The following ATP6V0A4 variants were observed in gnomAD, a reference collection of about 807,000 sequenced individuals.
ATP6V0A4 encodes V-type proton ATPase 116 kDa subunit a 4.
Under a neutral mutation model 107.3 loss-of-function variants are expected in ATP6V0A4, and 86 were observed. That is an observed-to-expected ratio of 0.80 (90% CI 0.67 to 0.96). The LOEUF is 0.96. Among genes scored for constraint, ATP6V0A4 ranks in the 40% least tolerant of loss-of-function variants. ATP6V0A4 has a pLI of 0.00. For missense variants in ATP6V0A4, 908 were observed against 1,045.6 expected, an observed-to-expected ratio of 0.87 and a Z score of 1.81; for synonymous variants, 353 against 381.4, an observed-to-expected ratio of 0.93 and a Z score of 0.87.
At chr7:138,796,415 A>T (rs1250241438) in intron 1 of ATP6V0A4, among the ~76,000 whole-genome samples, 1 of 151,850 alleles carries the variant, frequency 6.6e-6, no homozygotes, top group Non-Finnish European at 1.5e-5. Context: ...GGGCTGTTAC[A>T]CTCCACTAGG....
intron 20 of ATP6V0A4, among the ~76,000 whole-genome samples, chr7:138,710,441 CG>C (rs1350282593): frequency 6.6e-6 from 1 of 152,026 alleles, no homozygotes; most frequent in Admixed American, 6.6e-5. Context: ...CCACCCGCCT[CG>C]GCCTCCAAAG....
chr7:138,739,616 T>A lies in ATP6V0A4; in HGVS notation c.1496A>T (p.Glu499Val). ...TGGGTCCAGCTGCAGATATAGACTT[T>A]CCTCCATTACATGAGTACTTTAGAG... is the stretch of plus-strand genomic sequence containing the variant. ...NGTWNTHVME[E>V]SLYLQLDPAI... Residue 499 changes from glutamate (E) to valine (V), a missense_variant, in exon 15 of 22, where the codon GAA (glutamate) becomes GTA (valine). Physicochemically the swap from Glu to Val is moderately radical, Grantham distance 121. Coordinates refer to ENST00000310018, the MANE Select transcript of ATP6V0A4 (RefSeq NM_020632.3). 1 of 1,614,102 alleles carries A rather than the reference T, an allele frequency of 6.2e-7. No individual in the cohort carries two copies. The highest frequency in any genetic ancestry group is 1.1e-5 in the South Asian group (1 of 91,078).
chr7:138,708,273 T>G (rs1432058695), intron 21 of ATP6V0A4, among the ~76,000 whole-genome samples: 1 of 152,024 alleles, frequency 6.6e-6, no homozygotes, highest in Non-Finnish European at 1.5e-5. Flanking sequence ...CACAAACTCC[T>G]GACCTCAGCT....
At chr7:138,723,055 C>CAAAA (rs34685977) in intron 18 of ATP6V0A4, among the ~76,000 whole-genome samples, 4 of 122,346 alleles carry the variant, frequency 3.3e-5, no homozygotes, top group South Asian at 2.7e-4. Context: ...GAGACTGTCT[C>CAAAA]AAAAAAAAAA....
chr7:138,723,945 A>G (rs1232462340), intron 18 of ATP6V0A4, among the ~76,000 whole-genome samples: 1 of 151,782 alleles, frequency 6.6e-6, no homozygotes, highest in Non-Finnish European at 1.5e-5. Context: ...CAAGCCAACA[A>G]ATTCCTAAAT....
In ATP6V0A4 at chr7:138,778,438, A is replaced by G. The variant is rs1807770813; in HGVS notation, c.-17-7174T>C. ...CCAAGACATCTCATTTTATATATAT[A>G]TATATATATATGCAAATATTCCAAA... On this transcript the variant is annotated intron_variant, in intron 2 of 21. Transcript: ENST00000310018. 2.0e-5 allele frequency among the ~76,000 whole-genome samples: 3 copies of G among 150,522 alleles called. No homozygotes were observed. The South Asian group carries it at 6.3e-4, about 32-fold the overall frequency.
At chr7:138,762,227 A>C in intron 7 of ATP6V0A4, 113 bp downstream of exon 7, 1 of 1,357,894 alleles carries the variant, frequency 7.4e-7, no homozygotes, top group Non-Finnish European at 1.0e-6. Flanking sequence ...GAGGCTTTGC[A>C]TCCATGGGAA....
intron 18 of ATP6V0A4, among the ~76,000 whole-genome samples, chr7:138,724,236 A>C (rs1804594108): frequency 6.6e-6 from 1 of 151,720 alleles, no homozygotes. Flanking sequence ...TTCTAGCTTA[A>C]AAAATAAATC....
chr7:138,712,745 C>T (rs115902208), intron 20 of ATP6V0A4, among the ~76,000 whole-genome samples: 1 of 151,942 alleles, frequency 6.6e-6, no homozygotes, highest in Non-Finnish European at 1.5e-5. Context: ...AATCAAATGA[C>T]CCCCTCAGTG....
chr7:138,715,625 G>T, intron 20 of ATP6V0A4, 139 bp downstream of exon 20: 1 of 1,263,254 alleles, frequency 7.9e-7, no homozygotes, highest in Non-Finnish European at 1.1e-6. Context: ...AGGCACCTGT[G>T]CCTGGGAAAG....
intron 7 of ATP6V0A4, among the ~76,000 whole-genome samples, chr7:138,761,362 C>T (rs889587299): frequency 7.3e-5 from 11 of 151,516 alleles, no homozygotes; most frequent in African/African-American, 1.2e-4. Flanking sequence ...AGGCCAGGTG[C>T]GGTGGATCAC....
intron 1 of ATP6V0A4, among the ~76,000 whole-genome samples, chr7:138,788,781 G>A (rs968659084): frequency 1.3e-5 from 2 of 152,156 alleles, no homozygotes; most frequent in Admixed American, 1.3e-4. Flanking sequence ...AGATCTGATG[G>A]TTTTATAAAT....
At chr7:138,737,115 A>AATATATATATAT (rs1554394380) in intron 15 of ATP6V0A4, among the ~76,000 whole-genome samples, 9 of 86,764 alleles carry the variant, frequency 1.0e-4, no homozygotes, top group African/African-American at 4.3e-4. Context: ...AGCCCTTATT[A>AATATATATATAT]ATATATATAT....
At chr7:138,785,743 GCA>G (rs147185517) in intron 2 of ATP6V0A4, among the ~76,000 whole-genome samples, 37 of 150,480 alleles carry the variant, frequency 2.5e-4, no homozygotes, top group East Asian at 1.6e-3. Context: ...GCACACACAC[GCA>G]CACACACACA....
intron 2 of ATP6V0A4, among the ~76,000 whole-genome samples, chr7:138,781,354 G>A (rs1807912134): frequency 6.7e-6 from 1 of 149,718 alleles, no homozygotes. Context: ...TTTTGTAGAC[G>A]AGTCTTGCTC....
chr7:138,709,666 A>G lies in ATP6V0A4; in HGVS notation c.2387T>C (p.Met796Thr). The G allele has an allele frequency of 1.9e-6, 3 of 1,613,494 alleles. No homozygotes were observed. Among genetic ancestry groups the G allele is most frequent in the Non-Finnish European group, 2.5e-6 (3 of 1,179,714 alleles). ...AVLTVAILLI[M>T]EGLSAFLHAL... ...GTGCAGGAAAGCAGAGAGGCCCTCC[A>G]TGATCAGAAGGATGGCTACTGTCAG... Residue 796 changes from methionine to threonine, a missense_variant, in exon 21 of 22, where the codon ATG (methionine) becomes ACG (threonine). By Grantham distance (81) the Met-to-Thr change is moderately conservative. Coordinates refer to ENST00000310018, the MANE Select transcript of ATP6V0A4 (RefSeq NM_020632.3).
In ATP6V0A4 at chr7:138,751,575, C is replaced by G. The variant is rs558779923; in HGVS notation, c.1029+1050G>C. Among the ~76,000 whole-genome samples, 41 of 151,492 alleles carry G rather than the reference C, an allele frequency of 2.7e-4. 1 individual carries two copies. Among genetic ancestry groups the G allele is most frequent in the African/African-American group, 9.9e-4 (41 of 41,294 alleles). The stretch of plus-strand genomic sequence containing the variant: ...TCACTGCCTGAAATCTCATTAGTCA[C>G]GGACATGCCTCCGTGTCCCTTTCTA... On this transcript the variant is annotated intron_variant, in intron 11 of 21. Coordinates refer to ENST00000310018, the MANE Select transcript of ATP6V0A4 (RefSeq NM_020632.3).
At chr7:138,751,873 C>T (rs191503939) in intron 11 of ATP6V0A4, among the ~76,000 whole-genome samples, 5 of 152,056 alleles carry the variant, frequency 3.3e-5, no homozygotes, top group Non-Finnish European at 5.9e-5. Context: ...CATGGTGGCG[C>T]GTGCCTGTAG....
At chr7:138,792,722 C>T (rs146970481) in intron 1 of ATP6V0A4, among the ~76,000 whole-genome samples, 1 of 151,066 alleles carries the variant, frequency 6.6e-6, no homozygotes, top group Non-Finnish European at 1.5e-5. Context: ...TCTCAGCCTC[C>T]TGAGTAGCTG....
Sources: allele counts gnomAD v4.1 joint callset (sites outside exome capture counted in the v4.1 genomes callset), GRCh38; gene constraint gnomAD v4.1.1; transcripts MANE v1.5; gene names NCBI Gene and HGNC (gene_info 2026-07-23, HGNC 2026-07-21).